RPS6KC1: variants seen among roughly 807,000 people sequenced by gnomAD.
RPS6KC1 encodes the protein inactive ribosomal protein S6 kinase delta-1.
A neutral mutation model predicts 103.8 loss-of-function variants in RPS6KC1; 54 were observed. The observed-to-expected ratio is 0.52, with a 90% CI of 0.42 to 0.65. The LOEUF (loss-of-function observed/expected upper bound fraction) is 0.65. Ranked by LOEUF, RPS6KC1 falls within the 30% of genes least tolerant of loss-of-function variation. The pLI is 0.00. For synonymous variants in RPS6KC1, 439 were observed against 438.7 expected (o/e 1.00, Z -0.01); for missense variants, 1,151 against 1,253.8 (o/e 0.92, Z 1.24).
intron 3 of RPS6KC1, among the ~76,000 whole-genome samples, chr1:213,103,617 A>G (rs113375311): frequency 0.01 from 1,590 of 152,258 alleles, 31 homozygotes; most frequent in African/African-American, 0.036. Context: ...TGCCTTGCCT[A>G]TATAACTAGG....
the RPS6KC1 span, among the ~76,000 whole-genome samples, chr1:213,745,718 C>T: frequency 6.6e-6 from 1 of 152,192 alleles, no homozygotes; most frequent in Non-Finnish European, 1.5e-5. Context: ...CCAACACGCT[C>T]TTGCAATAAA....
At chr1:213,438,792 CTTTTTTT>C in the RPS6KC1 span, among the ~76,000 whole-genome samples, 1 of 129,732 alleles carries the variant, frequency 7.7e-6, no homozygotes, top group Non-Finnish European at 1.7e-5. Flanking sequence ...ATCTTGGTTT[CTTTTTTT>C]TTTTTTTTTT....
At chr1:213,670,553 CA>C in the RPS6KC1 span, among the ~76,000 whole-genome samples, 1 of 152,216 alleles carries the variant, frequency 6.6e-6, no homozygotes, top group African/African-American at 2.4e-5. Context: ...CTCTCAGGAA[CA>C]GACAGCAAAG....
intron 8 of RPS6KC1, among the ~76,000 whole-genome samples, chr1:213,187,495 C>T (rs1431523724): frequency 6.6e-6 from 1 of 152,070 alleles, no homozygotes; most frequent in Admixed American, 6.5e-5. Flanking sequence ...ATCCACCTGC[C>T]TCGGCCTCCC....
intron 7 of RPS6KC1, among the ~76,000 whole-genome samples, chr1:213,175,292 C>G (rs907614584): frequency 6.6e-6 from 1 of 152,164 alleles, no homozygotes; most frequent in Non-Finnish European, 1.5e-5. Context: ...AGCTGCCTGT[C>G]TGGTGATGTT....
chr1:213,233,631 A>ATT (rs1012003037), intron 10 of RPS6KC1, among the ~76,000 whole-genome samples: 4 of 151,692 alleles, frequency 2.6e-5, no homozygotes, highest in African/African-American at 9.7e-5. Context: ...ATCATTTTTC[A>ATT]TTTTTTTCTA....
chr1:213,701,757 T>G, the RPS6KC1 span, among the ~76,000 whole-genome samples: 45 of 152,228 alleles, frequency 3.0e-4, 1 homozygote, highest in African/African-American at 9.9e-4. Flanking sequence ...TTGATTGCAA[T>G]GACTCCTTTT....
chr1:213,107,122 A>G (rs2082580176), intron 4 of RPS6KC1, among the ~76,000 whole-genome samples: 1 of 152,016 alleles, frequency 6.6e-6, no homozygotes, highest in South Asian at 2.1e-4. Flanking sequence ...TTGTATTTTT[A>G]GTAGAGACAG....
At chr1:213,751,461 C>T in the RPS6KC1 span, among the ~76,000 whole-genome samples, 14 of 152,216 alleles carry the variant, frequency 9.2e-5, no homozygotes, top group East Asian at 1.4e-3. Flanking sequence ...CCAAACCACG[C>T]TTTTGGTCCA....
the RPS6KC1 span, among the ~76,000 whole-genome samples, chr1:213,801,632 C>G: frequency 7.4e-6 from 1 of 135,342 alleles, no homozygotes; most frequent in African/African-American, 3.5e-5. Context: ...TGGTGGTGTT[C>G]AAAAGAGGGA....
At chr1:213,753,742 C>T in the RPS6KC1 span, among the ~76,000 whole-genome samples, 8 of 152,206 alleles carry the variant, frequency 5.3e-5, no homozygotes, top group Admixed American at 5.2e-4. Context: ...TTCTATGAAT[C>T]TGCTCCTCCC....
chr1:213,775,520 A>G, the RPS6KC1 span, among the ~76,000 whole-genome samples: 3 of 152,252 alleles, frequency 2.0e-5, no homozygotes, highest in Non-Finnish European at 4.4e-5. Context: ...AGTGTGCAAT[A>G]GCATTATAAC....
the RPS6KC1 span, among the ~76,000 whole-genome samples, chr1:213,651,214 G>A: frequency 6.6e-6 from 1 of 152,258 alleles, no homozygotes; most frequent in Admixed American, 6.5e-5. Context: ...CTCCACAGGG[G>A]TGGGGCAGGC....
At chr1:213,746,451 G>C in the RPS6KC1 span, among the ~76,000 whole-genome samples, 2 of 152,182 alleles carry the variant, frequency 1.3e-5, no homozygotes, top group Non-Finnish European at 2.9e-5. Context: ...GGTGTGTGTG[G>C]GTGGCCGAGG....
At chr1:213,498,477 T>C in the RPS6KC1 span, among the ~76,000 whole-genome samples, 5 of 152,192 alleles carry the variant, frequency 3.3e-5, no homozygotes, top group Non-Finnish European at 5.9e-5. Flanking sequence ...CTTTTTGAGA[T>C]GGAGTCTCGC....
At chr1:213,097,544 C>T (rs952901659) in intron 3 of RPS6KC1, among the ~76,000 whole-genome samples, 1 of 152,186 alleles carries the variant, frequency 6.6e-6, no homozygotes, top group African/African-American at 2.4e-5. Context: ...TAAGCATTGG[C>T]TTCAACTTAA....
the RPS6KC1 span, among the ~76,000 whole-genome samples, chr1:213,559,532 G>T: frequency 1.3e-5 from 2 of 152,120 alleles, no homozygotes; most frequent in African/African-American, 4.8e-5. Context: ...TAAGACACAT[G>T]CCTCACCTGA....
At chr1:213,783,015 A>C in the RPS6KC1 span, among the ~76,000 whole-genome samples, 1 of 152,150 alleles carries the variant, frequency 6.6e-6, no homozygotes, top group Non-Finnish European at 1.5e-5. Flanking sequence ...TATTGTTATT[A>C]TCATTATTTA....
chr1:213,654,452 C>T, the RPS6KC1 span, among the ~76,000 whole-genome samples: 131,799 of 152,236 alleles, frequency 0.87, 57,107 homozygotes, highest in Non-Finnish European at 0.89. Context: ...CTCCACCTTT[C>T]ACTAAAATGA....
Sources: gnomAD v4.1 joint callset for allele counts (sites outside exome capture counted in the v4.1 genomes callset) on GRCh38, gnomAD v4.1.1 for gene constraint, MANE v1.5 for transcripts, NCBI Gene and HGNC (gene_info 2026-07-23, HGNC 2026-07-21) for gene names.